The following MPP7 variants were observed in gnomAD, a reference collection of about 807,000 sequenced individuals.
The protein encoded by MPP7 is MAGUK p55 scaffold protein 7, also known as MAGUK p55 subfamily member 7.
In MPP7, 60 loss-of-function variants were observed where a neutral mutation model predicts 76.5. That is an observed-to-expected ratio of 0.78 (90% CI 0.64 to 0.97). The LOEUF is 0.97. Ranked by LOEUF, MPP7 falls within the 50% of genes least tolerant of loss-of-function variation. The pLI is 0.00. For missense variants in MPP7, 641 were observed against 694.0 expected, an observed-to-expected ratio of 0.92 and a Z score of 0.86; for synonymous variants, 237 against 244.5, an observed-to-expected ratio of 0.97 and a Z score of 0.29.
chr10:28,141,899 T>A (rs1239037825), intron 5 of MPP7, among the ~76,000 whole-genome samples: 1 of 151,804 alleles, frequency 6.6e-6, no homozygotes, highest in African/African-American at 2.4e-5. Flanking sequence ...TTAACAGCAA[T>A]CAAACCAAGA....
chr10:28,099,234 A>AG (rs1225272052), intron 11 of MPP7, among the ~76,000 whole-genome samples: 1 of 152,140 alleles, frequency 6.6e-6, no homozygotes, highest in Non-Finnish European at 1.5e-5. Context: ...CATGTAAATG[A>AG]GGGGGAAGTG....
chr10:28,331,220 C>T (rs1834467222), intron 1 of MPP7, among the ~76,000 whole-genome samples: 1 of 152,138 alleles, frequency 6.6e-6, no homozygotes, highest in Non-Finnish European at 1.5e-5. Flanking sequence ...TCTCTGGCTT[C>T]CCATCTCAGT....
intron 11 of MPP7, among the ~76,000 whole-genome samples, chr10:28,106,610 G>T (rs183692244): frequency 6.6e-6 from 1 of 152,226 alleles, no homozygotes; most frequent in Admixed American, 6.5e-5. Flanking sequence ...TCCTTTTTCA[G>T]ATATTCAATT....
chr10:28,260,857 T>C (rs1409806775), intron 1 of MPP7, among the ~76,000 whole-genome samples: 1 of 152,142 alleles, frequency 6.6e-6, no homozygotes, highest in Non-Finnish European at 1.5e-5. Flanking sequence ...GGCTCTGTTT[T>C]CTACATGATG....
At chr10:28,333,413 G>C (rs371231682) in intron 1 of MPP7, among the ~76,000 whole-genome samples, 1 of 152,160 alleles carries the variant, frequency 6.6e-6, no homozygotes, top group African/African-American at 2.4e-5. Context: ...CCAAAGTGTT[G>C]GGATTACAGG....
intron 3 of MPP7, among the ~76,000 whole-genome samples, chr10:28,178,147 A>G (rs939513396): frequency 3.9e-5 from 6 of 152,050 alleles, no homozygotes; most frequent in African/African-American, 1.4e-4. Context: ...TTTCCTGTCT[A>G]TCGCAGGATG....
chr10:28,300,282 G>A (rs1841125774), intron 1 of MPP7, among the ~76,000 whole-genome samples: 1 of 152,164 alleles, frequency 6.6e-6, no homozygotes, highest in South Asian at 2.1e-4. Flanking sequence ...CAGAAACTCT[G>A]AAAACCATTG....
At chr10:28,110,332 C>T (rs578189981) in intron 11 of MPP7, among the ~76,000 whole-genome samples, 68 of 152,218 alleles carry the variant, frequency 4.5e-4, no homozygotes, top group African/African-American at 1.6e-3. Flanking sequence ...TCAGGTGATC[C>T]GCCCACTTTG....
chr10:28,224,373 C>A (rs1430240235), intron 2 of MPP7, among the ~76,000 whole-genome samples: 3 of 150,458 alleles, frequency 2.0e-5, no homozygotes, highest in Non-Finnish European at 4.4e-5. Flanking sequence ...AAAAAAAAAA[C>A]CTAGAGAAAC....
rs886777538 is a variant in MPP7, at chr10:28,195,903, T to C, written c.156+6250A>G. The stretch of plus-strand genomic sequence containing the variant: ...ATCCTGTGAATATACTAAAAACCAC[T>C]GAATTGTATGTTTTAAGTGGGTGAT... On this transcript the variant is annotated intron_variant, in intron 3 of 16. Coordinates refer to ENST00000683449, the MANE Select transcript of MPP7 (RefSeq NM_001318170.2). Among the ~76,000 whole-genome samples, 10 of 152,362 alleles carry C rather than the reference T, an allele frequency of 6.6e-5. No homozygotes were observed. The South Asian group carries it at 1.0e-3, about 16-fold the overall frequency.
chr10:28,213,045 T>TCCTCCTGCCTCAG (rs1838193998), intron 2 of MPP7, among the ~76,000 whole-genome samples: 1 of 152,058 alleles, frequency 6.6e-6, no homozygotes, highest in South Asian at 2.1e-4. Flanking sequence ...GCTCAGGTAA[T>TCCTCCTGCCTCAG]CCTCCTGCCT....
chr10:28,122,646 C>A (rs1232084351), intron 8 of MPP7, among the ~76,000 whole-genome samples: 1 of 152,224 alleles, frequency 6.6e-6, no homozygotes, highest in Non-Finnish European at 1.5e-5. Context: ...ACCTTCGTGT[C>A]TCCAGACATC....
intron 6 of MPP7, among the ~76,000 whole-genome samples, chr10:28,129,045 G>A (rs915139865): frequency 6.6e-6 from 1 of 152,132 alleles, no homozygotes; most frequent in African/African-American, 2.4e-5. Context: ...CTTTCTACAT[G>A]ATACTACCAC....
At chr10:28,079,035 T>C (rs1852633816) in intron 12 of MPP7, among the ~76,000 whole-genome samples, 2 of 152,182 alleles carry the variant, frequency 1.3e-5, no homozygotes, top group African/African-American at 2.4e-5. Context: ...AAGGTAGACA[T>C]ACATGACACC....
intron 11 of MPP7, among the ~76,000 whole-genome samples, chr10:28,092,983 T>A (rs1304881513): frequency 4.6e-5 from 7 of 152,090 alleles, no homozygotes; most frequent in African/African-American, 1.7e-4. Context: ...GGTCTCTTTC[T>A]AATTGCAGAA....
chr10:28,335,015 G>A (rs1275716216), upstream of MPP7, among the ~76,000 whole-genome samples: 1 of 152,222 alleles, frequency 6.6e-6, no homozygotes, highest in African/African-American at 2.4e-5. Flanking sequence ...CGGCAATCAA[G>A]ATGCTGCTGG....
chr10:28,183,348 A>G (rs929256687), intron 3 of MPP7, among the ~76,000 whole-genome samples: 5 of 152,204 alleles, frequency 3.3e-5, no homozygotes, highest in Admixed American at 3.3e-4. Flanking sequence ...AATGCCCAAA[A>G]TATTTCATAA....
chr10:28,143,533 T>C lies in MPP7; in HGVS notation c.315+3950A>G, dbSNP rs1835595790. Among the ~76,000 whole-genome samples, 3 of 152,308 alleles carry C rather than the reference T, an allele frequency of 2.0e-5. No individual in the cohort carries two copies. In the South Asian group the frequency reaches 6.2e-4, roughly 32 times the overall value. Reference sequence around the variant, plus strand: ...ATCTCACTTATGGATTTTAAAATATTCTTTCCTTTATGGGTGCATGTTTGT... The same window carrying C: ...ATCTCACTTATGGATTTTAAAATATCCTTTCCTTTATGGGTGCATGTTTGT... On this transcript the variant is annotated intron_variant, in intron 5 of 16. Coordinates refer to ENST00000683449, the MANE Select transcript of MPP7 (RefSeq NM_001318170.2).
At chr10:28,316,024 A>C (rs1834316420) in intron 2 of MPP7, among the ~76,000 whole-genome samples, 1 of 152,220 alleles carries the variant, frequency 6.6e-6, no homozygotes, top group Admixed American at 6.5e-5. Context: ...ATCAGAAACA[A>C]GGAAAGTCTG....
Sources: allele counts gnomAD v4.1 joint callset (sites outside exome capture counted in the v4.1 genomes callset), GRCh38; gene constraint gnomAD v4.1.1; transcripts MANE v1.5; gene names NCBI Gene and HGNC (gene_info 2026-07-23, HGNC 2026-07-21).